The following GABRB2 variants were observed in gnomAD, a reference collection of about 807,000 sequenced individuals.
The protein encoded by GABRB2 is gamma-aminobutyric acid receptor subunit beta-2.
Under a neutral mutation model 54.7 loss-of-function variants are expected in GABRB2, and 16 were observed. The ratio of observed to expected loss-of-function variants is 0.29; its 90% CI spans 0.20 to 0.44. The LOEUF (loss-of-function observed/expected upper bound fraction) is 0.44, where lower values mean the gene tolerates loss of function less well. GABRB2 is among the 20% of genes least tolerant of loss of function. The pLI is 1.00. For missense variants in GABRB2, 355 were observed against 644.0 expected (o/e 0.55, Z 4.86); for synonymous variants, 244 against 233.8 (o/e 1.04, Z -0.40).
At chr5:161,521,245 A>G (rs1581055400) in intron 3 of GABRB2, among the ~76,000 whole-genome samples, 1 of 152,056 alleles carries the variant, frequency 6.6e-6, no homozygotes, top group East Asian at 1.9e-4. Context: ...TACCTTACCC[A>G]TAATCACTAA....
chr5:161,427,366 G>A (rs537639102), intron 4 of GABRB2, among the ~76,000 whole-genome samples: 5 of 152,230 alleles, frequency 3.3e-5, no homozygotes, highest in South Asian at 2.1e-4. Context: ...ATTACTTGGC[G>A]GATAGTGAGG....
intron 3 of GABRB2, among the ~76,000 whole-genome samples, chr5:161,469,672 CACACATACACATACACAT>C (rs59675873): frequency 0.025 from 3,549 of 141,234 alleles, 110 homozygotes; most frequent in East Asian, 0.12. Flanking sequence ...AAACATTATT[CACACATACACATACACAT>C]ACACATACAC....
chr5:161,457,793 A>G (rs1347729607), intron 4 of GABRB2, among the ~76,000 whole-genome samples: 4 of 152,098 alleles, frequency 2.6e-5, no homozygotes, highest in Non-Finnish European at 5.9e-5. Flanking sequence ...CTGTCCACTC[A>G]ACTTTGCCTA....
chr5:161,360,078 G>A (rs553215771), intron 5 of GABRB2, among the ~76,000 whole-genome samples: 51 of 43,494 alleles, frequency 1.2e-3, no homozygotes, highest in African/African-American at 3.1e-3. Context: ...GCGAGACTCC[G>A]TCTAAAAAAA....
chr5:161,511,859 T>C (rs1759780144), intron 3 of GABRB2, among the ~76,000 whole-genome samples: 1 of 151,992 alleles, frequency 6.6e-6, no homozygotes, highest in East Asian at 1.9e-4. Flanking sequence ...GGAGCTACCT[T>C]CCTAACCTCA....
intron 5 of GABRB2, among the ~76,000 whole-genome samples, chr5:161,387,488 T>C (rs1240850030): frequency 1.3e-5 from 2 of 152,298 alleles, no homozygotes; most frequent in African/African-American, 4.8e-5. Context: ...TTTTAGCTTT[T>C]TGTCAAACCT....
chr5:161,515,160 G>C (rs1759899400), intron 3 of GABRB2, among the ~76,000 whole-genome samples: 1 of 151,978 alleles, frequency 6.6e-6, no homozygotes, highest in Non-Finnish European at 1.5e-5. Flanking sequence ...TCTTCTTCGG[G>C]TGACATTATT....
intron 9 of GABRB2, among the ~76,000 whole-genome samples, chr5:161,296,706 T>C (rs1418041710): frequency 6.6e-6 from 1 of 152,230 alleles, no homozygotes; most frequent in African/African-American, 2.4e-5. Flanking sequence ...TTTGGCCCTA[T>C]GCCAAGCATC....
At chr5:161,451,036 A>G (rs1757775927) in intron 4 of GABRB2, among the ~76,000 whole-genome samples, 1 of 152,152 alleles carries the variant, frequency 6.6e-6, no homozygotes, top group African/African-American at 2.4e-5. Flanking sequence ...CTGAGTTAAA[A>G]ATTGATATAT....
chr5:161,343,411 C>A (rs895810492), intron 5 of GABRB2, among the ~76,000 whole-genome samples: 2 of 151,654 alleles, frequency 1.3e-5, no homozygotes, highest in African/African-American at 4.8e-5. Flanking sequence ...TCAAATCTTA[C>A]GATGTAGGAG....
At chr5:161,462,514 C>T (rs1331998913) in intron 3 of GABRB2, among the ~76,000 whole-genome samples, 1 of 152,152 alleles carries the variant, frequency 6.6e-6, no homozygotes, top group African/African-American at 2.4e-5. Flanking sequence ...GAGAAAGCTA[C>T]TTACACTTCT....
intron 5 of GABRB2, among the ~76,000 whole-genome samples, chr5:161,392,194 A>C (rs2113041431): frequency 6.6e-6 from 1 of 152,242 alleles, no homozygotes; most frequent in Non-Finnish European, 1.5e-5. Flanking sequence ...AACGCTGCTA[A>C]AATCTAATTC....
chr5:161,482,799 TTTAA>T (rs977840334), intron 3 of GABRB2, among the ~76,000 whole-genome samples: 6 of 152,184 alleles, frequency 3.9e-5, no homozygotes, highest in Admixed American at 3.9e-4. Flanking sequence ...TTGTTCCATA[TTTAA>T]TTGTTACTTA....
intron 5 of GABRB2, among the ~76,000 whole-genome samples, chr5:161,399,089 T>C (rs959145127): frequency 6.6e-6 from 1 of 152,132 alleles, no homozygotes; most frequent in Non-Finnish European, 1.5e-5. Context: ...ATTCTACAAA[T>C]ATAGTGTTTG....
chr5:161,307,733 T>C (rs1388596959), intron 9 of GABRB2, among the ~76,000 whole-genome samples: 2 of 151,980 alleles, frequency 1.3e-5, no homozygotes, highest in Non-Finnish European at 2.9e-5. Flanking sequence ...TACATGGGGG[T>C]AGGTGTTAGA....
In GABRB2 at chr5:161,343,278, GT is replaced by G. The variant is rs377684210; in HGVS notation, c.542-6510del. 7.6e-3 allele frequency among the ~76,000 whole-genome samples: 1,151 copies of G among 151,924 alleles called. 22 individuals are homozygous for G. The highest frequency in any genetic ancestry group is 0.05 in the South Asian group (239 of 4,816). On this transcript the variant is annotated intron_variant, in intron 5 of 9. Coordinates refer to ENST00000393959, the MANE Select transcript of GABRB2 (RefSeq NM_001371727.1). Reference sequence around the variant, plus strand: ...AGTAGCTCAAAATAATCGACCTAGGGTAGGTCAGGCTTGATTATCTAGTGGC... The same window carrying G: ...AGTAGCTCAAAATAATCGACCTAGGGAGGTCAGGCTTGATTATCTAGTGGC...
At position 161,459,779 on chromosome 5, in the gene GABRB2, T is replaced by C; in HGVS notation, c.303A>G (p.Ile101Met). The C allele has an allele frequency of 6.2e-7, 1 of 1,613,778 alleles. No homozygotes were observed. Among genetic ancestry groups the C allele is most frequent in the Non-Finnish European group, 8.5e-7 (1 of 1,179,836 alleles). Reference protein sequence around the residue: ...WRDKRLSYNVIPLNLTLDNRV... With the variant: ...WRDKRLSYNVMPLNLTLDNRV... ...TGTTGTCCAGAGTCAAGTTTAAAGGTATTACATTATAGGACAGCCTCTTAT... is the reference window on the plus strand; with the variant it reads ...TGTTGTCCAGAGTCAAGTTTAAAGGCATTACATTATAGGACAGCCTCTTAT... The change falls in exon 4 of 10, where the codon ATA (isoleucine) becomes ATG (methionine). Residue 101 changes from isoleucine (I) to methionine (M), a missense_variant. Physicochemically the swap from Ile to Met is conservative, Grantham distance 10 (BLOSUM62 1). Coordinates refer to ENST00000393959, the MANE Select transcript of GABRB2 (RefSeq NM_001371727.1).
chr5:161,413,553 G>GT (rs1416665976), intron 4 of GABRB2, among the ~76,000 whole-genome samples: 2 of 152,164 alleles, frequency 1.3e-5, no homozygotes, highest in African/African-American at 2.4e-5. Context: ...GTCCACTGAT[G>GT]TTTTTTGTTT....
rs374581484 is a variant in GABRB2, at chr5:161,507,735, A to G, written c.237+37492T>C. 2.6e-5 allele frequency among the ~76,000 whole-genome samples: 4 copies of G among 152,262 alleles called. No individual in the cohort carries two copies. The South Asian group carries it at 8.3e-4, about 32-fold the overall frequency. ...CAAAAGAAGATATGCAAAGTGGCCAATAGGCATATGAAAAATTGCTCAACA... is the reference window on the plus strand; with the variant it reads ...CAAAAGAAGATATGCAAAGTGGCCAGTAGGCATATGAAAAATTGCTCAACA... On this transcript the variant is annotated intron_variant, in intron 3 of 9. Transcript: ENST00000393959.
Sources: gnomAD v4.1 joint callset for allele counts (sites outside exome capture counted in the v4.1 genomes callset) on GRCh38, gnomAD v4.1.1 for gene constraint, MANE v1.5 for transcripts, NCBI Gene and HGNC (gene_info 2026-07-23, HGNC 2026-07-21) for gene names.